CACNA2D3: variants seen among roughly 807,000 people sequenced by gnomAD.
CACNA2D3 encodes the protein voltage-dependent calcium channel subunit alpha-2/delta-3.
CACNA2D3 carries 60 observed loss-of-function variants against 160.6 expected under a neutral mutation model. The ratio of observed to expected loss-of-function variants is 0.37; its 90% confidence interval spans 0.30 to 0.46. CACNA2D3 has a LOEUF of 0.46. Among genes scored for constraint, CACNA2D3 ranks in the 20% least tolerant of loss-of-function variants. The pLI, the probability that CACNA2D3 is intolerant of heterozygous loss-of-function variation, is 1.00. For synonymous variants in CACNA2D3, 558 were observed against 492.9 expected, an observed-to-expected ratio of 1.13 and a Z score of -1.75; for missense variants, 1,205 against 1,365.0, an observed-to-expected ratio of 0.88 and a Z score of 1.85.
chr3:54,543,236 G>C (rs2106668302), intron 5 of CACNA2D3, among the ~76,000 whole-genome samples: 1 of 152,286 alleles, frequency 6.6e-6, no homozygotes, highest in South Asian at 2.1e-4. Context: ...TTGATAAATG[G>C]AACAAAAAGG....
chr3:54,405,141 A>G (rs1276551946), intron 4 of CACNA2D3, among the ~76,000 whole-genome samples: 1 of 151,986 alleles, frequency 6.6e-6, no homozygotes, highest in East Asian at 1.9e-4. Flanking sequence ...ATACTATACT[A>G]AAAAGCAATA....
chr3:54,736,497 A>G (rs1371416446), intron 11 of CACNA2D3, among the ~76,000 whole-genome samples: 2 of 152,194 alleles, frequency 1.3e-5, no homozygotes, highest in African/African-American at 4.8e-5. Context: ...AGATGTGGTC[A>G]AGTTATTTTC....
intron 4 of CACNA2D3, among the ~76,000 whole-genome samples, chr3:54,405,153 G>A (rs939715857): frequency 1.3e-5 from 2 of 150,862 alleles, no homozygotes; most frequent in Admixed American, 6.6e-5. Context: ...AAAGCAATAT[G>A]TATAGATCCA....
In CACNA2D3 at chr3:54,466,932, G is replaced by T. The variant is rs1700638713; in HGVS notation, c.382-36560G>T. On this transcript the variant is annotated intron_variant, in intron 4 of 37. Transcript: ENST00000474759. ...ATCATTTAAAAAGAAAAGTTCAGAT[G>T]GTCCTGCTGGGTTCTGCTGTGCTGT... is the stretch of plus-strand genomic sequence containing the variant. Among the ~76,000 whole-genome samples the T allele has an allele frequency of 2.6e-5, 4 of 152,198 alleles. No individual in the cohort carries two copies. In the South Asian group the frequency reaches 8.3e-4, roughly 32 times the overall value.
At chr3:54,305,284 C>A (rs1703572083) in intron 2 of CACNA2D3, among the ~76,000 whole-genome samples, 1 of 152,136 alleles carries the variant, frequency 6.6e-6, no homozygotes, top group Non-Finnish European at 1.5e-5. Flanking sequence ...TTTTAATAAC[C>A]TAGTGGTACA....
Position 54,277,043 on chromosome 3 carries a change from T to C in CACNA2D3, c.205-43399T>C, listed in dbSNP as rs557642181. Reference sequence around the variant, plus strand: ...TTTCAGATGCTGTATTACTGGGCCCTGGTCCATGGCATGGAGGTGGCACAT... The same window carrying C: ...TTTCAGATGCTGTATTACTGGGCCCCGGTCCATGGCATGGAGGTGGCACAT... On this transcript the variant is annotated intron_variant, in intron 2 of 37. Transcript: ENST00000474759. 6.2e-4 allele frequency among the ~76,000 whole-genome samples: 95 copies of C among 152,362 alleles called. 2 individuals carry two copies. Among genetic ancestry groups the C allele is most frequent in the Admixed American group, 2.2e-3 (34 of 15,308 alleles).
At chr3:54,864,880 C>T (rs1276148110) in intron 17 of CACNA2D3, among the ~76,000 whole-genome samples, 1 of 152,160 alleles carries the variant, frequency 6.6e-6, no homozygotes, top group Non-Finnish European at 1.5e-5. Context: ...TCAGCCATGT[C>T]ACCACGTGAC....
intron 5 of CACNA2D3, among the ~76,000 whole-genome samples, chr3:54,519,995 T>C (rs948318799): frequency 5.3e-5 from 8 of 152,240 alleles, no homozygotes; most frequent in African/African-American, 1.9e-4. Context: ...TATATAAAGC[T>C]GTGTCTGCAT....
chr3:54,554,599 T>G (rs1254633155), intron 5 of CACNA2D3, among the ~76,000 whole-genome samples: 1 of 152,104 alleles, frequency 6.6e-6, no homozygotes, highest in Admixed American at 6.5e-5. Flanking sequence ...GTTCTTTGCC[T>G]TGTCTCAGCT....
intron 13 of CACNA2D3, among the ~76,000 whole-genome samples, chr3:54,802,595 A>G (rs566982649): frequency 6.6e-5 from 10 of 152,316 alleles, no homozygotes; most frequent in African/African-American, 2.4e-4. Context: ...CCCAGCTGCA[A>G]GTTTCTATGA....
intron 17 of CACNA2D3, among the ~76,000 whole-genome samples, chr3:54,870,728 T>C (rs1699506293): frequency 6.6e-6 from 1 of 152,138 alleles, no homozygotes; most frequent in Non-Finnish European, 1.5e-5. Flanking sequence ...CTAACAGCCA[T>C]TACATCTGGC....
intron 13 of CACNA2D3, among the ~76,000 whole-genome samples, chr3:54,780,950 G>T (rs1177440230): frequency 6.6e-6 from 1 of 152,154 alleles, no homozygotes; most frequent in Non-Finnish European, 1.5e-5. Context: ...ATGACAATAC[G>T]TATGTAACAA....
At chr3:54,606,928 A>G (rs1025932860) in intron 9 of CACNA2D3, among the ~76,000 whole-genome samples, 3 of 152,186 alleles carry the variant, frequency 2.0e-5, no homozygotes, top group East Asian at 3.9e-4. Flanking sequence ...TATTCGCTTC[A>G]TGCTTGCCTG....
chr3:54,851,941 GC>G (rs1699067352), intron 17 of CACNA2D3, among the ~76,000 whole-genome samples: 1 of 152,284 alleles, frequency 6.6e-6, no homozygotes, highest in South Asian at 2.1e-4. Flanking sequence ...AGTGGCTGTG[GC>G]CCCCATAAGG....
chr3:55,017,385 A>G (rs1376327868), intron 34 of CACNA2D3, among the ~76,000 whole-genome samples: 1 of 152,192 alleles, frequency 6.6e-6, no homozygotes, highest in Non-Finnish European at 1.5e-5. Flanking sequence ...CATCATTATA[A>G]TGTCAAAATG....
At chr3:54,716,305 A>G (rs1220227280) in intron 11 of CACNA2D3, among the ~76,000 whole-genome samples, 1 of 152,182 alleles carries the variant, frequency 6.6e-6, no homozygotes, top group Non-Finnish European at 1.5e-5. Context: ...CAGGAAAAAG[A>G]GACACAGGCC....
chr3:55,057,181 C>T (rs1487537442), intron 35 of CACNA2D3, among the ~76,000 whole-genome samples: 1 of 152,138 alleles, frequency 6.6e-6, no homozygotes, highest in Non-Finnish European at 1.5e-5. Flanking sequence ...CGTCTTCTGC[C>T]ATGATTGTGA....
chr3:54,511,825 A>C (rs1701464058), intron 5 of CACNA2D3, among the ~76,000 whole-genome samples: 1 of 152,232 alleles, frequency 6.6e-6, no homozygotes, highest in Admixed American at 6.5e-5. Flanking sequence ...TATTTTTAAA[A>C]AATGGCTTAG....
At chr3:54,911,351 CTTTTTTTTTTT>C (rs58289082) in intron 27 of CACNA2D3, among the ~76,000 whole-genome samples, 1 of 58,584 alleles carries the variant, frequency 1.7e-5, no homozygotes, top group Non-Finnish European at 2.7e-5. Context: ...TCTTTGTCGT[CTTTTTTTTTTT>C]TTTTTTTTTT....
Sources: gnomAD v4.1 joint callset for allele counts (sites outside exome capture counted in the v4.1 genomes callset) on GRCh38, gnomAD v4.1.1 for gene constraint, MANE v1.5 for transcripts, NCBI Gene and HGNC (gene_info 2026-07-23, HGNC 2026-07-21) for gene names.